Variants in PNPLA7 observed in about 807,000 individuals in gnomAD.
The protein encoded by PNPLA7 is patatin-like phospholipase domain-containing protein 7.
A neutral mutation model predicts 161.7 loss-of-function variants in PNPLA7; 153 were observed. The ratio of observed to expected loss-of-function variants is 0.95; its 90% CI spans 0.83 to 1.08. PNPLA7 has a LOEUF of 1.08. Among genes scored for constraint, PNPLA7 ranks in the 50% least tolerant of loss-of-function variants. The probability of loss-of-function intolerance (pLI) is 0.00; values close to 1 mark genes in which losing one functional copy is unlikely to be tolerated. For synonymous variants in PNPLA7, 809 were observed against 782.1 expected, an observed-to-expected ratio of 1.03 and a Z score of -0.57; for missense variants, 1,739 against 1,856.6, an observed-to-expected ratio of 0.94 and a Z score of 1.16.
intron 25 of PNPLA7, 145 bp downstream of exon 25, chr9:137,477,889 G>A: frequency 3.4e-6 from 2 of 588,206 alleles, no homozygotes; most frequent in Non-Finnish European, 5.1e-6. Flanking sequence ...AGGCCGGGGT[G>A]GAGGCTGGGT....
rs59527745 is a variant in PNPLA7, at chr9:137,460,142, G to A, written c.*251C>T. 2.4e-6 allele frequency: 1 copy of A among 425,116 alleles called. No individual in the cohort carries two copies. Among genetic ancestry groups the A allele is most frequent in the East Asian group, 4.3e-5 (1 of 23,090 alleles). The allele number at this position is 425,116 out of a possible 1,614,324, so 26.3% of individuals were successfully genotyped here. On this transcript the variant is annotated 3_prime_UTR_variant, in exon 35 of 35. Coordinates refer to ENST00000406427, the MANE Select transcript of PNPLA7 (RefSeq NM_001098537.3). ...CGGGGGGCCTCACAGGGCTGCAGGG[G>A]GTTCACAGAGCTTCAGGGGCCTCAC...
At position 137,462,050 on chromosome 9, in the gene PNPLA7, A is replaced by C. The variant is rs1277665801; in HGVS notation, c.3646-9T>G. On this transcript the variant is annotated splice_polypyrimidine_tract_variant and intron_variant, in intron 31 of 34. Transcript: ENST00000406427. ...TGCTGGTAGCCCACTTCCTGTGCAC[A>C]CCCCCAGGGCCCCGTCAGGAGGTGT... The C allele has an allele frequency of 6.3e-7, 1 of 1,576,792 alleles. No individual in the cohort carries two copies. The highest frequency in any genetic ancestry group is 1.1e-5 in the South Asian group (1 of 86,976).
rs540863119 is a variant in PNPLA7 at position 137,519,886 on chromosome 9, G to A, written c.1084+31C>T. 26 of 1,595,646 alleles carry A rather than the reference G, an allele frequency of 1.6e-5. 1 individual carries two copies. Among genetic ancestry groups the A allele is most frequent in the South Asian group, 1.4e-4 (13 of 89,732 alleles). ...GCAGGATCCCCCGGACTCTGGGGCT[G>A]GACATTGCCCTCCTTGGTGCAGGAC... On this transcript the variant is annotated intron_variant, in intron 11 of 34. Transcript: ENST00000406427.
chr9:137,538,297 A>G (rs1301377723), intron 8 of PNPLA7, among the ~76,000 whole-genome samples: 2 of 151,894 alleles, frequency 1.3e-5, no homozygotes, highest in Non-Finnish European at 2.9e-5. Flanking sequence ...CCGAGGTCCC[A>G]CCCACGCCTC....
At chr9:137,463,730 G>A (rs1469767609) in intron 28 of PNPLA7, among the ~76,000 whole-genome samples, 199 bp from the exon 29 acceptor site, 1 of 152,084 alleles carries the variant, frequency 6.6e-6, no homozygotes, top group Non-Finnish European at 1.5e-5. Flanking sequence ...ATGTGCCCAG[G>A]ACTTCGAACT....
Position 137,536,463 on chromosome 9 carries a change from C to T in PNPLA7, c.747+4179G>A, listed in dbSNP as rs546529714. 5.1e-4 allele frequency among the ~76,000 whole-genome samples: 78 copies of T among 152,082 alleles called. 1 individual carries two copies. The highest frequency in any genetic ancestry group is 1.9e-3 in the African/African-American group (77 of 41,450). ...CAGAGCAAAAAAGCATTCACGGAGC[C>T]GCTGGTTCAGGCGTGAATCTGTAAT... On this transcript the variant is annotated intron_variant, in intron 8 of 34. Transcript: ENST00000406427.
At chr9:137,495,392 A>C (rs139018288) in intron 18 of PNPLA7, among the ~76,000 whole-genome samples, 1 of 152,318 alleles carries the variant, frequency 6.6e-6, no homozygotes, top group East Asian at 1.9e-4. Flanking sequence ...CACAGGCTGG[A>C]ACAAGGGCAG....
chr9:137,492,571 C>G (rs1180147162), intron 20 of PNPLA7, among the ~76,000 whole-genome samples: 1 of 40,456 alleles, frequency 2.5e-5, no homozygotes, highest in Non-Finnish European at 4.8e-5. Context: ...GGCTCCAGCA[C>G]AGGGCAGGGC....
chr9:137,542,858 C>A, intron 6 of PNPLA7, 57 bp from the exon 7 acceptor site: 1 of 1,561,814 alleles, frequency 6.4e-7, no homozygotes, highest in Non-Finnish European at 8.7e-7. Flanking sequence ...GACGGCCTCT[C>A]CAAGAGTCTC....
At chr9:137,506,635 C>T (rs1216210630) in intron 12 of PNPLA7, among the ~76,000 whole-genome samples, 1 of 152,170 alleles carries the variant, frequency 6.6e-6, no homozygotes, top group Non-Finnish European at 1.5e-5. Context: ...GGGGTTGAGG[C>T]ACCCCCTCCA....
intron 13 of PNPLA7, 40 bp downstream of exon 13, chr9:137,505,943 G>A (rs1249818808): frequency 2.5e-6 from 4 of 1,574,212 alleles, no homozygotes; most frequent in Non-Finnish European, 3.5e-6. Flanking sequence ...GGAGAGGGTG[G>A]GGCCCCAGGC....
intron 18 of PNPLA7, among the ~76,000 whole-genome samples, chr9:137,496,150 T>C (rs1403135632): frequency 3.4e-4 from 52 of 151,576 alleles, no homozygotes; most frequent in Non-Finnish European, 6.3e-4. Context: ...TGTTTTTTTT[T>C]TTTTGAGATA....
At chr9:137,536,063 G>A (rs997563178) in intron 8 of PNPLA7, among the ~76,000 whole-genome samples, 3 of 151,202 alleles carry the variant, frequency 2.0e-5, no homozygotes, top group Non-Finnish European at 2.9e-5. Context: ...TGAGGCAGGA[G>A]AATGGCGTGA....
At chr9:137,513,715 C>T (rs1834353992) in intron 12 of PNPLA7, among the ~76,000 whole-genome samples, 1 of 152,006 alleles carries the variant, frequency 6.6e-6, no homozygotes, top group African/African-American at 2.4e-5. Context: ...ACTAATGAGA[C>T]AAGAGGGAAA....
intron 8 of PNPLA7, among the ~76,000 whole-genome samples, chr9:137,534,006 A>C (rs1036875760): frequency 1.3e-5 from 2 of 148,606 alleles, no homozygotes; most frequent in Non-Finnish European, 3.0e-5. Flanking sequence ...GAGGACTCCC[A>C]GAATCCTCCA....
At chr9:137,497,119 G>A in intron 18 of PNPLA7, 68 bp downstream of exon 18, 1 of 1,407,188 alleles carries the variant, frequency 7.1e-7, no homozygotes. Flanking sequence ...CCACACCCAG[G>A]CCAGAACCCA....
At chr9:137,511,132 G>A (rs913840110) in intron 12 of PNPLA7, among the ~76,000 whole-genome samples, 12 of 152,294 alleles carry the variant, frequency 7.9e-5, no homozygotes, top group African/African-American at 2.6e-4. Flanking sequence ...CCAGTGCCTG[G>A]GAAGGCACCC....
chr9:137,516,376 T>C (rs760784431), intron 11 of PNPLA7: 7 of 984,702 alleles, frequency 7.1e-6, no homozygotes, highest in Non-Finnish European at 8.4e-6. Context: ...CTGGACACTG[T>C]CCTTACCTAC....
At chr9:137,494,802 C>T (rs1452287043) in intron 19 of PNPLA7, among the ~76,000 whole-genome samples, 11 of 149,868 alleles carry the variant, frequency 7.3e-5, no homozygotes, top group African/African-American at 1.2e-4. Flanking sequence ...CCCTCACCTG[C>T]GCCCTGCCCT....
Sources: allele counts gnomAD v4.1 joint callset (sites outside exome capture counted in the v4.1 genomes callset), GRCh38; gene constraint gnomAD v4.1.1; transcripts MANE v1.5; gene names NCBI Gene and HGNC (gene_info 2026-07-23, HGNC 2026-07-21).